The following NSDHL variants were observed in gnomAD, a reference collection of about 807,000 sequenced individuals.
The protein encoded by NSDHL is NAD(P) dependent 3-beta-hydroxysteroid dehydrogenase NSDHL, also known as sterol-4-alpha-carboxylate 3-dehydrogenase, decarboxylating.
Under a neutral mutation model 23.0 loss-of-function variants are expected in NSDHL, and 1 was observed. The observed-to-expected ratio is 0.04, with a 90% CI of 0.02 to 0.21. The LOEUF (loss-of-function observed/expected upper bound fraction) is 0.21, where lower values mean the gene tolerates loss of function less well. Ranked by LOEUF, NSDHL falls within the 10% of genes least tolerant of loss-of-function variation. NSDHL has a pLI of 1.00. For synonymous variants in NSDHL, 128 were observed against 121.1 expected (o/e 1.06, Z -0.37); for missense variants, 237 against 300.9 (o/e 0.79, Z 1.57).
In NSDHL at chrX:152,839,498, T is replaced by C. The variant is rs927137192; in HGVS notation, c.-43-6784T>C. Among the ~76,000 whole-genome samples the C allele has an allele frequency of 2.2e-4, 25 of 112,243 alleles. 1 individual carries two copies. The highest frequency in any genetic ancestry group is 7.5e-4 in the Admixed American group (8 of 10,631). On this transcript the variant is annotated intron_variant, in intron 1 of 7. Coordinates refer to ENST00000370274, the MANE Select transcript of NSDHL (RefSeq NM_015922.3). Reference sequence around the variant, plus strand: ...AGCTCTTATAAGGCAGGCCTGGTGGTGACAAAATCTCCCAGCATTTGTTTG... The same window carrying C: ...AGCTCTTATAAGGCAGGCCTGGTGGCGACAAAATCTCCCAGCATTTGTTTG...
rs1556848522 is a variant in NSDHL at position 152,868,979 on chromosome X, G to A, written c.985G>A (p.Val329Ile). 10 of 1,211,905 alleles carry A rather than the reference G, an allele frequency of 8.3e-6. No homozygotes were observed. Among genetic ancestry groups the A allele is most frequent in the Non-Finnish European group, 1.1e-5 (10 of 895,522 alleles). The change falls in exon 8 of 8, where the codon GTC (valine) becomes ATC (isoleucine). Residue 329 changes from valine to isoleucine, a missense_variant. Coordinates refer to ENST00000370274, the MANE Select transcript of NSDHL (RefSeq NM_015922.3). The part of the protein sequence containing the change: ...QLQPTFTPMR[V>I]ALAGTFHYYS... ...GCAGCCCACCTTCACACCCATGCGG[G>A]TCGCACTGGCTGGCACATTCCACTA... is the stretch of plus-strand genomic sequence containing the variant.
At chrX:152,851,746 C>T (rs1368416426) in intron 3 of NSDHL, among the ~76,000 whole-genome samples, 1 of 110,803 alleles carries the variant, frequency 9.0e-6, no homozygotes, top group Non-Finnish European at 1.9e-5. Flanking sequence ...GTGGTGGCCA[C>T]CCACAGCCGC....
intron 1 of NSDHL, among the ~76,000 whole-genome samples, chrX:152,832,005 T>C (rs1933021423): frequency 9.0e-6 from 1 of 111,441 alleles, no homozygotes; most frequent in Non-Finnish European, 1.9e-5. Context: ...TCCCCCCAAG[T>C]AGTACGAGCC....
rs1308949488 is a variant in NSDHL, at chrX:152,832,707, CGCAGGCTGTGT to C, written c.-44+1603_-44+1613del. On this transcript the variant is annotated intron_variant, in intron 1 of 7. Transcript: ENST00000370274. ...GTACAAGGGAAAAACACAAGTTCTG[CGCAGGCTGTGT>C]GCAGGCTGTGTGACCTTGGGCAAGT... 2.7e-5 allele frequency among the ~76,000 whole-genome samples: 3 copies of C among 112,035 alleles called. 1 individual carries two copies. The highest frequency in any genetic ancestry group is 3.7e-4 in the South Asian group (1 of 2,698).
At chrX:152,838,738 T>C (rs1373577457) in intron 1 of NSDHL, among the ~76,000 whole-genome samples, 1 of 112,056 alleles carries the variant, frequency 8.9e-6, no homozygotes, top group African/African-American at 3.3e-5. Flanking sequence ...AATTTTGGAA[T>C]AAGTGTGATG....
chrX:152,868,419 C>T (rs1556848385), intron 7 of NSDHL, among the ~76,000 whole-genome samples: 1 of 111,975 alleles, frequency 8.9e-6, no homozygotes, highest in East Asian at 2.8e-4. Context: ...AGGCGTGAGC[C>T]ACCGCGCCTG....
intron 3 of NSDHL, among the ~76,000 whole-genome samples, chrX:152,851,111 A>G (rs1933349735): frequency 8.9e-6 from 1 of 112,446 alleles, no homozygotes; most frequent in Non-Finnish European, 1.9e-5. Flanking sequence ...CTTGAATTTT[A>G]TTAGATGGTG....
At chrX:152,842,235 G>T (rs1933202955) in intron 1 of NSDHL, among the ~76,000 whole-genome samples, 3 of 111,815 alleles carry the variant, frequency 2.7e-5, no homozygotes. Context: ...GCCCAGACAT[G>T]AAATTGCTGG....
At chrX:152,836,846 A>G (rs1042968970) in intron 1 of NSDHL, among the ~76,000 whole-genome samples, 21 of 112,270 alleles carry the variant, frequency 1.9e-4, no homozygotes, top group African/African-American at 5.2e-4. Context: ...GAAGAAAGTC[A>G]TTGGTAGCTT....
chrX:152,865,282 T>G (rs1245186637), intron 5 of NSDHL, among the ~76,000 whole-genome samples: 1 of 111,907 alleles, frequency 8.9e-6, no homozygotes, highest in Non-Finnish European at 1.9e-5. Flanking sequence ...TCCCCAGGCA[T>G]GGTCTTCAGA....
intron 3 of NSDHL, among the ~76,000 whole-genome samples, chrX:152,853,266 C>G (rs1421083635): frequency 6.4e-5 from 7 of 109,764 alleles, no homozygotes; most frequent in Non-Finnish European, 1.3e-4. Flanking sequence ...GCCCCTCCCC[C>G]ACCACAGCAA....
intron 3 of NSDHL, among the ~76,000 whole-genome samples, chrX:152,851,535 T>C (rs1482983259): frequency 9.0e-6 from 1 of 111,439 alleles, no homozygotes; most frequent in Non-Finnish European, 1.9e-5. Flanking sequence ...TGATGAAATA[T>C]TAAGGCCATT....
chrX:152,840,128 C>G (rs1556844678), intron 1 of NSDHL, among the ~76,000 whole-genome samples: 3 of 112,246 alleles, frequency 2.7e-5, no homozygotes, highest in East Asian at 5.6e-4. Flanking sequence ...ATGAAGTTCT[C>G]GTGCCATGGT....
At chrX:152,831,182 G>T (rs1202711845) in intron 1 of NSDHL, 65 bp downstream of exon 1, 2 of 296,291 alleles carry the variant, frequency 6.8e-6, no homozygotes, top group South Asian at 1.9e-4. Context: ...GCGGGAGGGT[G>T]GGGAGCTACG....
At chrX:152,841,948 T>C (rs1933198490) in intron 1 of NSDHL, among the ~76,000 whole-genome samples, 1 of 112,322 alleles carries the variant, frequency 8.9e-6, no homozygotes, top group African/African-American at 3.2e-5. Flanking sequence ...CAGCAGTCAC[T>C]CCCCACTCAC....
Position 152,869,446 on chromosome X carries a change from A to C in NSDHL, c.*330A>C. Reference sequence around the variant, plus strand: ...ATTCCAGTGTCCTTGTACATAATCAAGGAAGCTGTAGGAAGCTACAACCCA... The same window carrying C: ...ATTCCAGTGTCCTTGTACATAATCACGGAAGCTGTAGGAAGCTACAACCCA... On this transcript the variant is annotated 3_prime_UTR_variant, in exon 8 of 8. Coordinates refer to ENST00000370274, the MANE Select transcript of NSDHL (RefSeq NM_015922.3). 3.4e-6 allele frequency: 1 copy of C among 295,913 alleles called. No individual in the cohort carries two copies. The highest frequency in any genetic ancestry group is 7.4e-5 in the East Asian group (1 of 13,571). 24.4% of individuals were successfully genotyped at this position (295,913 alleles called of 1,213,427 possible). A position where few individuals can be genotyped will look rare whatever the true frequency, so the allele number is the denominator to read the frequency against.
intron 1 of NSDHL, among the ~76,000 whole-genome samples, chrX:152,836,309 A>G (rs1211304803): frequency 8.9e-6 from 1 of 112,271 alleles, no homozygotes; most frequent in African/African-American, 3.2e-5. Context: ...TAGTTTAATT[A>G]CATCCCATTT....
rs782399348 is a variant in NSDHL, at chrX:152,858,880, G to A, written c.378G>A (p.Lys126=). 8.3e-7 allele frequency: 1 copy of A among 1,207,865 alleles called. No homozygotes were observed. The highest frequency in any genetic ancestry group is 1.1e-6 in the Non-Finnish European group (1 of 891,951). The part of the protein sequence containing the change: ...LFYRVNYIGT[K]NVIETCKEAG... ...ATAGAGTGAATTACATTGGCACCAA[G>A]AATGTCATTGAAACTTGCAAAGAGG... Residue 126 remains lysine, a synonymous_variant, in exon 4 of 8, where the codon AAG becomes AAA. Transcript: ENST00000370274.
intron 1 of NSDHL, among the ~76,000 whole-genome samples, chrX:152,844,275 T>C (rs1476395274): frequency 8.9e-6 from 1 of 112,503 alleles, no homozygotes; most frequent in Non-Finnish European, 1.9e-5. Flanking sequence ...TGGTAAGGAA[T>C]AGTAGCTGGG....
Sources: allele counts gnomAD v4.1 joint callset (sites outside exome capture counted in the v4.1 genomes callset), GRCh38; gene constraint gnomAD v4.1.1; transcripts MANE v1.5; gene names NCBI Gene and HGNC (gene_info 2026-07-23, HGNC 2026-07-21).